Variants in CAMKMT observed in about 807,000 individuals in gnomAD.
CAMKMT encodes the protein calmodulin-lysine N-methyltransferase.
In CAMKMT, 53 loss-of-function variants were observed where a neutral mutation model predicts 48.0. The observed-to-expected ratio is 1.10, with a 90% CI of 0.89 to 1.39. The LOEUF (loss-of-function observed/expected upper bound fraction) is 1.39, where lower values mean the gene tolerates loss of function less well. CAMKMT is among the 40% of genes most tolerant of loss of function. The pLI, the probability that CAMKMT is intolerant of heterozygous loss-of-function variation, is 0.00. For synonymous variants in CAMKMT, 165 were observed against 152.3 expected (o/e 1.08, Z -0.61); for missense variants, 428 against 402.7 (o/e 1.06, Z -0.54).
At chr2:44,377,793 C>T (rs1679847453) in intron 2 of CAMKMT, among the ~76,000 whole-genome samples, 1 of 151,958 alleles carries the variant, frequency 6.6e-6, no homozygotes. Context: ...GACTGTGTTG[C>T]ATCTTTCTAT....
intron 3 of CAMKMT, among the ~76,000 whole-genome samples, chr2:44,487,559 T>C (rs1335216074): frequency 6.6e-6 from 1 of 152,242 alleles, no homozygotes; most frequent in African/African-American, 2.4e-5. Flanking sequence ...TGTATCATAC[T>C]ACAAATATAA....
intron 3 of CAMKMT, among the ~76,000 whole-genome samples, chr2:44,560,502 C>G (rs547514745): frequency 1.3e-5 from 2 of 152,240 alleles, no homozygotes; most frequent in Admixed American, 1.3e-4. Flanking sequence ...GAACTTCTGG[C>G]CTCAAACAAT....
rs573786705 is a variant in CAMKMT, at chr2:44,704,270, T to G, written c.377-13T>G. 2 of 1,606,636 alleles carry G rather than the reference T, an allele frequency of 1.2e-6. No homozygotes were observed. The highest frequency in any genetic ancestry group is 1.1e-5 in the South Asian group (1 of 89,574). On this transcript the variant is annotated splice_polypyrimidine_tract_variant and intron_variant, in intron 3 of 10. Coordinates refer to ENST00000378494, the MANE Select transcript of CAMKMT (RefSeq NM_024766.5). ...TTCTATAATCAAAAGGTTTATCCTC[T>G]TGTGTTTTCTAGGCATCTGGCCATC...
At chr2:44,457,966 A>C (rs1667655742) in intron 3 of CAMKMT, among the ~76,000 whole-genome samples, 1 of 151,880 alleles carries the variant, frequency 6.6e-6, no homozygotes, top group Non-Finnish European at 1.5e-5. Context: ...AGTGTAAAGA[A>C]CATCCCCCAT....
At chr2:44,593,935 G>T (rs1185411830) in intron 3 of CAMKMT, among the ~76,000 whole-genome samples, 1 of 151,766 alleles carries the variant, frequency 6.6e-6, no homozygotes, top group Non-Finnish European at 1.5e-5. Flanking sequence ...GGCTAATTTG[G>T]TATTTTTAGT....
At chr2:44,622,812 T>C (rs1672272764) in intron 3 of CAMKMT, among the ~76,000 whole-genome samples, 2 of 152,254 alleles carry the variant, frequency 1.3e-5, no homozygotes, top group Admixed American at 1.3e-4. Flanking sequence ...TACATGTGTC[T>C]TATTGGTAGA....
intron 3 of CAMKMT, among the ~76,000 whole-genome samples, chr2:44,453,075 C>T (rs1667376757): frequency 6.6e-6 from 1 of 151,972 alleles, no homozygotes; most frequent in Non-Finnish European, 1.5e-5. Context: ...CAGTTAACAA[C>T]TTATCATGTA....
At chr2:44,762,827 G>T (rs1168310444) in intron 9 of CAMKMT, among the ~76,000 whole-genome samples, 1 of 152,104 alleles carries the variant, frequency 6.6e-6, no homozygotes, top group Non-Finnish European at 1.5e-5. Context: ...AGGAATAAAT[G>T]AATTCTCTTA....
intron 2 of CAMKMT, among the ~76,000 whole-genome samples, chr2:44,382,722 A>G (rs1680378025): frequency 6.6e-6 from 1 of 151,704 alleles, no homozygotes; most frequent in African/African-American, 2.4e-5. Context: ...CTGGTGATCC[A>G]CCCGCCTTGG....
chr2:44,723,539 G>A (rs948986713), intron 7 of CAMKMT, among the ~76,000 whole-genome samples: 4 of 151,000 alleles, frequency 2.6e-5, no homozygotes, highest in African/African-American at 7.3e-5. Flanking sequence ...TGCAGTGAGC[G>A]GAGATCACAC....
intron 3 of CAMKMT, among the ~76,000 whole-genome samples, chr2:44,540,556 G>A (rs1201598520): frequency 6.6e-6 from 1 of 152,160 alleles, no homozygotes; most frequent in Non-Finnish European, 1.5e-5. Flanking sequence ...TTCAAGACCA[G>A]CCTGGGCAAC....
chr2:44,555,825 A>G (rs1347685533), intron 3 of CAMKMT, among the ~76,000 whole-genome samples: 2 of 152,166 alleles, frequency 1.3e-5, no homozygotes, highest in Non-Finnish European at 2.9e-5. Flanking sequence ...GTGGCCAACC[A>G]TGTCAAATCC....
At chr2:44,532,679 A>G (rs979771707) in intron 3 of CAMKMT, among the ~76,000 whole-genome samples, 1 of 152,240 alleles carries the variant, frequency 6.6e-6, no homozygotes, top group Non-Finnish European at 1.5e-5. Context: ...TGGAAGCCAG[A>G]AAAGACTTCA....
At chr2:44,708,038 T>C (rs775264319) in intron 6 of CAMKMT, among the ~76,000 whole-genome samples, 2 of 152,062 alleles carry the variant, frequency 1.3e-5, no homozygotes, top group Non-Finnish European at 2.9e-5. Flanking sequence ...CAGTTCAAAC[T>C]CCATTAGATT....
intron 3 of CAMKMT, among the ~76,000 whole-genome samples, chr2:44,641,121 C>T (rs1367956690): frequency 2.6e-5 from 4 of 152,088 alleles, no homozygotes; most frequent in Non-Finnish European, 5.9e-5. Flanking sequence ...ATCTTCTAAG[C>T]CTAAAGAATC....
intron 3 of CAMKMT, among the ~76,000 whole-genome samples, chr2:44,696,213 G>A (rs758290221): frequency 6.6e-6 from 1 of 152,196 alleles, no homozygotes; most frequent in Non-Finnish European, 1.5e-5. Flanking sequence ...AAAGTGCTGG[G>A]ATTACAGGCG....
At chr2:44,545,088 C>G (rs1667325252) in intron 3 of CAMKMT, among the ~76,000 whole-genome samples, 1 of 152,168 alleles carries the variant, frequency 6.6e-6, no homozygotes, top group East Asian at 1.9e-4. Flanking sequence ...TTACATTTAC[C>G]TATTCAGATA....
intron 3 of CAMKMT, among the ~76,000 whole-genome samples, chr2:44,416,975 C>G (rs1052038724): frequency 1.3e-5 from 2 of 151,760 alleles, no homozygotes; most frequent in Admixed American, 1.3e-4. Flanking sequence ...CCTCTGTTGC[C>G]CAGGCTGGAG....
At chr2:44,728,635 G>T (rs942622268) in intron 7 of CAMKMT, among the ~76,000 whole-genome samples, 1 of 152,052 alleles carries the variant, frequency 6.6e-6, no homozygotes, top group African/African-American at 2.4e-5. Flanking sequence ...TTCCTGATTC[G>T]ATCTTGGGAG....
Sources: gnomAD v4.1 joint callset for allele counts (sites outside exome capture counted in the v4.1 genomes callset) on GRCh38, gnomAD v4.1.1 for gene constraint, MANE v1.5 for transcripts, NCBI Gene and HGNC (gene_info 2026-07-23, HGNC 2026-07-21) for gene names.